The following YTHDC1 variants were observed in gnomAD, a reference collection of about 807,000 sequenced individuals.
YTHDC1 encodes the protein YTH domain-containing protein 1.
A neutral mutation model predicts 107.0 loss-of-function variants in YTHDC1; 12 were observed. That is an observed-to-expected ratio of 0.11 (90% CI 0.07 to 0.18). YTHDC1 has a LOEUF of 0.18. YTHDC1 is among the 10% of genes least tolerant of loss of function. The pLI, the probability that YTHDC1 is intolerant of heterozygous loss-of-function variation, is 1.00. For synonymous variants in YTHDC1, 280 were observed against 289.5 expected (o/e 0.97, Z 0.33); for missense variants, 635 against 898.8 (o/e 0.71, Z 3.75).
intron 4 of YTHDC1, among the ~76,000 whole-genome samples, chr4:68,335,262 C>T (rs1368378015): frequency 1.4e-5 from 2 of 141,862 alleles, no homozygotes; most frequent in Admixed American, 6.9e-5. Flanking sequence ...TCCAAAATCA[C>T]CCCATTACTC....
intron 9 of YTHDC1, among the ~76,000 whole-genome samples, chr4:68,329,312 C>G (rs1723327219): frequency 6.6e-6 from 1 of 152,128 alleles, no homozygotes; most frequent in Non-Finnish European, 1.5e-5. Flanking sequence ...CCATCATATG[C>G]ATAGCATTTT....
intron 4 of YTHDC1, among the ~76,000 whole-genome samples, chr4:68,335,442 TAC>T (rs1176269216): frequency 3.3e-5 from 5 of 152,164 alleles, no homozygotes; most frequent in Admixed American, 1.3e-4. Flanking sequence ...ATTATAAAAC[TAC>T]AGTTACCATT....
At chr4:68,332,898 G>A in intron 5 of YTHDC1, 51 bp from the exon 6 acceptor site, 1 of 1,506,850 alleles carries the variant, frequency 6.6e-7, no homozygotes, top group Non-Finnish European at 9.2e-7. Context: ...ATAGAGATAA[G>A]ACAAAATTTC....
chr4:68,322,947 A>G lies in YTHDC1; in HGVS notation c.1435-32T>C, dbSNP rs2109692728. The G allele has an allele frequency of 6.2e-7, 1 of 1,603,622 alleles. No individual in the cohort carries two copies. Among genetic ancestry groups the G allele is most frequent in the South Asian group, 1.1e-5 (1 of 90,402 alleles). On this transcript the variant is annotated intron_variant, in intron 10 of 16. Coordinates refer to ENST00000344157, the MANE Select transcript of YTHDC1 (RefSeq NM_001031732.4). This position sits in a 1 kb window ranked among gnomAD's most constrained non-coding sequence, Gnocchi z 4.8. ...TAGGAAAGTAGCAATTTATAAAACA[A>G]AAACAGACCCTTTCAACAGACTTGC... is the stretch of plus-strand genomic sequence containing the variant.
chr4:68,324,794 T>C (rs1016169371), intron 9 of YTHDC1, among the ~76,000 whole-genome samples: 3 of 152,212 alleles, frequency 2.0e-5, no homozygotes, highest in African/African-American at 7.2e-5. Context: ...AATTTATTTA[T>C]AAATGCATAT....
intron 1 of YTHDC1, among the ~76,000 whole-genome samples, chr4:68,341,283 A>C (rs1169312451): frequency 2.6e-5 from 4 of 152,210 alleles, no homozygotes; most frequent in Non-Finnish European, 4.4e-5. Context: ...AGTATAAAGA[A>C]CACAAATGCA....
At chr4:68,331,854 A>G (rs1473388020) in intron 7 of YTHDC1, among the ~76,000 whole-genome samples, 1 of 151,982 alleles carries the variant, frequency 6.6e-6, no homozygotes, top group African/African-American at 2.4e-5. Flanking sequence ...TTTACAGCAA[A>G]AAGTTAAACT....
chr4:68,341,984 G>A (rs962913082), intron 1 of YTHDC1, among the ~76,000 whole-genome samples: 4 of 152,124 alleles, frequency 2.6e-5, no homozygotes, highest in Non-Finnish European at 5.9e-5. Flanking sequence ...AAACCTGCCT[G>A]CCCCAACCCT....
Position 68,314,243 on chromosome 4 carries a change from T to C in YTHDC1, c.2040A>G (p.Glu680=). The C allele has an allele frequency of 2.5e-6, 4 of 1,614,044 alleles. No individual in the cohort carries two copies. The highest frequency in any genetic ancestry group is 3.4e-6 in the Non-Finnish European group (4 of 1,180,006). The change falls in exon 17 of 17, where the codon GAA becomes GAG. Residue 680 remains glutamate, a synonymous_variant. Coordinates refer to ENST00000344157, the MANE Select transcript of YTHDC1 (RefSeq NM_001031732.4). ...VVSGRRSRPR[E]RDRERERDRP... ...GGTCTCGCTCTCGTTCCCGGTCTCT[T>C]TCACGGGGTCTACTTCTCCGGCCAC...
At chr4:68,348,589 A>G (rs747225544) in intron 1 of YTHDC1, among the ~76,000 whole-genome samples, 1 of 152,176 alleles carries the variant, frequency 6.6e-6, no homozygotes, top group Non-Finnish European at 1.5e-5. Context: ...CAGTATCTTA[A>G]AAGTATTCCC....
At chr4:68,331,031 C>T (rs1723521173) in intron 7 of YTHDC1, among the ~76,000 whole-genome samples, 1 of 152,100 alleles carries the variant, frequency 6.6e-6, no homozygotes, top group African/African-American at 2.4e-5. Flanking sequence ...AGGACCCATG[C>T]AGATACCAAA....
intron 6 of YTHDC1, 96 bp from the exon 7 acceptor site, chr4:68,332,293 G>T: frequency 1.4e-6 from 1 of 705,058 alleles, no homozygotes; most frequent in Non-Finnish European, 2.2e-6. Flanking sequence ...CCACAACCCA[G>T]CTAAACTTTT....
intron 15 of YTHDC1, among the ~76,000 whole-genome samples, chr4:68,316,952 G>T (rs868457294): frequency 6.6e-6 from 1 of 152,178 alleles, no homozygotes; most frequent in South Asian, 2.1e-4. Flanking sequence ...ACATCAACAG[G>T]CCTGGTGTGG....
Position 68,320,219 on chromosome 4 carries a change from A to G in YTHDC1, c.1602-14T>C. ...TCTGGTCGACGCCTACACAAATTAG[A>G]CACATTAGAAATTAAACCAAAAACT... On this transcript the variant is annotated splice_polypyrimidine_tract_variant and intron_variant, in intron 11 of 16. Transcript: ENST00000344157. 6.3e-7 allele frequency: 1 copy of G among 1,588,036 alleles called. No homozygotes were observed. The highest frequency in any genetic ancestry group is 8.5e-7 in the Non-Finnish European group (1 of 1,172,022).
intron 10 of YTHDC1, 55 bp downstream of exon 10, chr4:68,324,084 C>A (rs935119397): frequency 1.3e-6 from 2 of 1,488,136 alleles, no homozygotes; most frequent in African/African-American, 1.4e-5. Context: ...CAATAAAGAT[C>A]TCTAAAAGGG....
At chr4:68,332,276 T>G (rs1578049186) in intron 6 of YTHDC1, 79 bp from the exon 7 acceptor site, 1 of 895,980 alleles carries the variant, frequency 1.1e-6, no homozygotes, top group Non-Finnish European at 1.7e-6. Flanking sequence ...TAACTGAAAT[T>G]AGCCCTCCAC....
At chr4:68,324,998 C>T (rs1722828870) in intron 9 of YTHDC1, among the ~76,000 whole-genome samples, 1 of 145,954 alleles carries the variant, frequency 6.9e-6, no homozygotes, top group African/African-American at 2.5e-5. Context: ...ACATAACCAA[C>T]AGTTGTTAGC....
At chr4:68,338,712 T>C (rs1431197293) in intron 1 of YTHDC1, among the ~76,000 whole-genome samples, 1 of 152,190 alleles carries the variant, frequency 6.6e-6, no homozygotes, top group Non-Finnish European at 1.5e-5. Context: ...TAGCAGGGCA[T>C]GGTGGCACAT....
Position 68,349,884 on chromosome 4 carries a change from G to T in YTHDC1, c.-131C>A. On this transcript the variant is annotated 5_prime_UTR_variant, in exon 1 of 17. Transcript: ENST00000344157. Reference sequence around the variant, plus strand: ...TGCCCGGATACGCGCGTCGCACTTGGCCTCTTAACACTCAGCCTTCTCGAC... The same window carrying T: ...TGCCCGGATACGCGCGTCGCACTTGTCCTCTTAACACTCAGCCTTCTCGAC... 7.9e-7 allele frequency: 1 copy of T among 1,262,382 alleles called. No homozygotes were observed. The allele number at this position is 1,262,382 out of a possible 1,614,324, so 78.2% of individuals were successfully genotyped here.
Sources: gnomAD v4.1 joint callset for allele counts (sites outside exome capture counted in the v4.1 genomes callset) on GRCh38, gnomAD v4.1.1 for gene constraint, Gnocchi (gnomAD v3.1) non-coding constraint, MANE v1.5 for transcripts, NCBI Gene and HGNC (gene_info 2026-07-23, HGNC 2026-07-21) for gene names.